The following MTUS1 variants were observed in gnomAD, a reference collection of about 807,000 sequenced individuals.
The protein encoded by MTUS1 is microtubule-associated tumor suppressor 1.
MTUS1 carries 109 observed loss-of-function variants against 120.8 expected under a neutral mutation model. The ratio of observed to expected loss-of-function variants is 0.90; its 90% CI spans 0.77 to 1.06. The LOEUF is 1.06. Ranked by LOEUF, MTUS1 falls within the 50% of genes least tolerant of loss-of-function variation. The pLI, the probability that MTUS1 is intolerant of heterozygous loss-of-function variation, is 0.00. For synonymous variants in MTUS1, 737 were observed against 550.5 expected (o/e 1.34, Z -4.74); for missense variants, 2,210 against 1,486.3 (o/e 1.49, Z -8.01).
chr8:17,725,611 A>C (rs1279767966), intron 3 of MTUS1, among the ~76,000 whole-genome samples: 1 of 152,124 alleles, frequency 6.6e-6, no homozygotes, highest in African/African-American at 2.4e-5. Flanking sequence ...CTGTCCTTCC[A>C]TCCCTTCCAA....
intron 6 of MTUS1, among the ~76,000 whole-genome samples, chr8:17,698,741 A>C (rs1383108748): frequency 2.0e-5 from 3 of 152,042 alleles, no homozygotes; most frequent in Non-Finnish European, 4.4e-5. Context: ...CTCCCTCTTC[A>C]CTCAAGCCCC....
chr8:17,762,630 G>A (rs919654948), intron 1 of MTUS1, among the ~76,000 whole-genome samples: 1 of 152,168 alleles, frequency 6.6e-6, no homozygotes, highest in African/African-American at 2.4e-5. Flanking sequence ...GGAAACTAGA[G>A]TTGATTTAAT....
intron 8 of MTUS1, chr8:17,674,588 G>A (rs1812689460): frequency 1.7e-5 from 17 of 985,588 alleles, no homozygotes; most frequent in Non-Finnish European, 1.9e-5. Context: ...GAAACTGCAG[G>A]GCTGGGTGGT....
intron 2 of MTUS1, among the ~76,000 whole-genome samples, chr8:17,747,782 G>A (rs920499489): frequency 2.0e-5 from 3 of 152,088 alleles, no homozygotes; most frequent in East Asian, 1.9e-4. Flanking sequence ...ACATGAGACT[G>A]GGCAACTTAC....
chr8:17,722,034 A>T (rs1171982761), intron 4 of MTUS1: 5 of 1,335,458 alleles, frequency 3.7e-6, no homozygotes, highest in Middle Eastern at 2.8e-4. Flanking sequence ...GCACTACACA[A>T]AACAGATTAA....
chr8:17,718,659 C>T (rs1459713901), intron 4 of MTUS1, among the ~76,000 whole-genome samples: 3 of 151,944 alleles, frequency 2.0e-5, no homozygotes, highest in Non-Finnish European at 4.4e-5. Flanking sequence ...TACTTCTCAA[C>T]CTGATCTAAT....
chr8:17,659,622 C>T (rs1225472996), intron 8 of MTUS1, among the ~76,000 whole-genome samples: 11 of 152,174 alleles, frequency 7.2e-5, no homozygotes, highest in South Asian at 2.1e-4. Context: ...CGCTTGAACC[C>T]GGGAGGCAGA....
In MTUS1 at chr8:17,725,852, A is replaced by C. The variant is rs143068706; in HGVS notation, c.2288-2019T>G. Reference sequence around the variant, plus strand: ...GGCCCAAGACAATTCTTCTTCTTCCAATGTGGCCCAGGGAAGCCAAAAGAT... The same window carrying C: ...GGCCCAAGACAATTCTTCTTCTTCCCATGTGGCCCAGGGAAGCCAAAAGAT... On this transcript the variant is annotated intron_variant, in intron 3 of 14. Coordinates refer to ENST00000693296, the MANE Select transcript of MTUS1 (RefSeq NM_001363059.2). Among the ~76,000 whole-genome samples the C allele has an allele frequency of 8.7e-4, 132 of 152,284 alleles. 1 individual carries two copies. In the East Asian group the frequency reaches 0.023, roughly 27 times the overall value.
chr8:17,704,370 C>G (rs1279407612), intron 6 of MTUS1, among the ~76,000 whole-genome samples: 1 of 152,012 alleles, frequency 6.6e-6, no homozygotes, highest in Non-Finnish European at 1.5e-5. Flanking sequence ...TGAAGTTTTG[C>G]CCCATGTTTT....
Position 17,732,864 on chromosome 8 carries a change from G to A in MTUS1, c.2288-9031C>T, listed in dbSNP as rs1043974895. On this transcript the variant is annotated intron_variant, in intron 3 of 14. Coordinates refer to ENST00000693296, the MANE Select transcript of MTUS1 (RefSeq NM_001363059.2). ...TCAAGCACATACCTAGAATCTGAGC[G>A]GGCCTCACTGCCACAACCTGGTCCG... Among the ~76,000 whole-genome samples, 6 of 151,970 alleles carry A rather than the reference G, an allele frequency of 3.9e-5. 1 individual carries two copies. The highest frequency in any genetic ancestry group is 4.2e-4 in the South Asian group (2 of 4,812).
At chr8:17,697,109 A>ATTTTTAATTAAG in intron 6 of MTUS1, 1 of 1,033,514 alleles carries the variant, frequency 9.7e-7, no homozygotes, top group Admixed American at 3.0e-5. Flanking sequence ...GCAACAGAAA[A>ATTTTTAATTAAG]CAATTTTTAA....
chr8:17,752,520 G>C (rs1254956693), intron 2 of MTUS1, among the ~76,000 whole-genome samples: 1 of 152,194 alleles, frequency 6.6e-6, no homozygotes, highest in Non-Finnish European at 1.5e-5. Flanking sequence ...TCCAAATAGA[G>C]AAGACTGGTT....
chr8:17,771,617 A>C (rs1324153721), intron 1 of MTUS1, among the ~76,000 whole-genome samples: 1 of 152,224 alleles, frequency 6.6e-6, no homozygotes, highest in Non-Finnish European at 1.5e-5. Context: ...AGATTGTCTG[A>C]ATCAGACACC....
chr8:17,761,097 C>G (rs1363143836), intron 1 of MTUS1, among the ~76,000 whole-genome samples: 1 of 151,690 alleles, frequency 6.6e-6, no homozygotes, highest in Non-Finnish European at 1.5e-5. Flanking sequence ...CAGAGCAGCT[C>G]CTCTTAAACG....
At chr8:17,758,646 C>G (rs2048806822) in intron 1 of MTUS1, among the ~76,000 whole-genome samples, 2 of 152,180 alleles carry the variant, frequency 1.3e-5, no homozygotes, top group Admixed American at 1.3e-4. Context: ...AAATATGCTA[C>G]AGCTTTCTGC....
intron 1 of MTUS1, among the ~76,000 whole-genome samples, chr8:17,773,058 C>G (rs1328025467): frequency 1.3e-5 from 2 of 152,118 alleles, no homozygotes; most frequent in Non-Finnish European, 2.9e-5. Context: ...CCCACTTTCA[C>G]CTAGTTGGGA....
At chr8:17,778,210 T>C (rs576127058) in intron 1 of MTUS1, among the ~76,000 whole-genome samples, 5 of 152,238 alleles carry the variant, frequency 3.3e-5, no homozygotes, top group African/African-American at 9.6e-5. Flanking sequence ...AGGTAAACCA[T>C]TGATACACAA....
At chr8:17,742,673 C>A (rs2047431328) in intron 3 of MTUS1, among the ~76,000 whole-genome samples, 2 of 152,078 alleles carry the variant, frequency 1.3e-5, no homozygotes, top group Admixed American at 1.3e-4. Context: ...AATAAACAGC[C>A]CGTAAAACAT....
At chr8:17,767,174 TATC>T in intron 1 of MTUS1, among the ~76,000 whole-genome samples, 1 of 122,468 alleles carries the variant, frequency 8.2e-6, no homozygotes, top group Non-Finnish European at 1.6e-5. Flanking sequence ...ACTTTGGTGA[TATC>T]ATCCTCAGGG....
Sources: allele counts gnomAD v4.1 joint callset (sites outside exome capture counted in the v4.1 genomes callset), GRCh38; gene constraint gnomAD v4.1.1; transcripts MANE v1.5; gene names NCBI Gene and HGNC (gene_info 2026-07-23, HGNC 2026-07-21).